SGCZ: variants seen among roughly 807,000 people sequenced by gnomAD.
SGCZ encodes sarcoglycan zeta.
In SGCZ, 40 loss-of-function variants were observed where a neutral mutation model predicts 41.3. The observed-to-expected ratio is 0.97, with a 90% CI of 0.75 to 1.26. The LOEUF (loss-of-function observed/expected upper bound fraction) is 1.26. Among genes scored for constraint, SGCZ ranks in the 50% most tolerant of loss-of-function variants. The probability of loss-of-function intolerance (pLI) is 0.00; values close to 1 mark genes in which losing one functional copy is unlikely to be tolerated. For synonymous variants in SGCZ, 206 were observed against 137.5 expected, an observed-to-expected ratio of 1.50 and a Z score of -3.49; for missense variants, 552 against 369.8, an observed-to-expected ratio of 1.49 and a Z score of -4.04.
At chr8:14,862,373 T>C (rs1186112156) in intron 1 of SGCZ, among the ~76,000 whole-genome samples, 1 of 151,814 alleles carries the variant, frequency 6.6e-6, no homozygotes, top group East Asian at 1.9e-4. Flanking sequence ...AGTGTGGCTG[T>C]TGTGCAAATG....
At chr8:14,472,151 T>C (rs572954809) in intron 2 of SGCZ, among the ~76,000 whole-genome samples, 2 of 152,216 alleles carry the variant, frequency 1.3e-5, no homozygotes, top group East Asian at 1.9e-4. Context: ...AGAGTTCCAA[T>C]TGTAATTTTA....
intron 1 of SGCZ, among the ~76,000 whole-genome samples, chr8:14,962,136 G>C (rs183455407): frequency 2.0e-5 from 3 of 152,122 alleles, no homozygotes; most frequent in Admixed American, 6.5e-5. Flanking sequence ...TCAACATCAA[G>C]TGTATCATGA....
chr8:15,000,992 G>A (rs545375168), intron 1 of SGCZ, among the ~76,000 whole-genome samples: 17 of 152,278 alleles, frequency 1.1e-4, no homozygotes, highest in African/African-American at 3.8e-4. Flanking sequence ...CACTTCACCA[G>A]TATCAAAGGT....
At chr8:14,528,563 T>C (rs1220332484) in intron 2 of SGCZ, among the ~76,000 whole-genome samples, 2 of 152,226 alleles carry the variant, frequency 1.3e-5, no homozygotes, top group African/African-American at 4.8e-5. Flanking sequence ...GGCCTTAGTT[T>C]TCTTTTATTT....
intron 6 of SGCZ, among the ~76,000 whole-genome samples, chr8:14,106,839 A>G (rs1488503483): frequency 2.0e-5 from 3 of 152,190 alleles, no homozygotes; most frequent in African/African-American, 7.2e-5. Flanking sequence ...TTCCTATACA[A>G]TAGTAAGTGC....
intron 1 of SGCZ, among the ~76,000 whole-genome samples, chr8:15,235,420 TCTCAACAAC>T (rs1189994799): frequency 6.6e-6 from 1 of 152,198 alleles, no homozygotes; most frequent in Admixed American, 6.5e-5. Flanking sequence ...TGACATAATT[TCTCAACAAC>T]CTCAATAGAT....
chr8:14,941,265 T>C (rs1272148742), intron 1 of SGCZ, among the ~76,000 whole-genome samples: 4 of 152,118 alleles, frequency 2.6e-5, no homozygotes, highest in African/African-American at 9.7e-5. Flanking sequence ...ATCCTACAGA[T>C]ATAAAAGCAG....
At chr8:14,881,820 G>T (rs190734763) in intron 1 of SGCZ, among the ~76,000 whole-genome samples, 1 of 152,112 alleles carries the variant, frequency 6.6e-6, no homozygotes, top group African/African-American at 2.4e-5. Flanking sequence ...AGTTGATCAC[G>T]CAATTGGAAG....
intron 1 of SGCZ, among the ~76,000 whole-genome samples, chr8:15,203,985 A>G (rs764478297): frequency 2.0e-5 from 3 of 152,202 alleles, no homozygotes; most frequent in Admixed American, 6.5e-5. Flanking sequence ...AAACAATAAA[A>G]CATTTCTCAT....
At chr8:14,754,070 C>G (rs143460648) in intron 1 of SGCZ, among the ~76,000 whole-genome samples, 1,760 of 152,216 alleles carry the variant, frequency 0.012, 17 homozygotes, top group Middle Eastern at 0.034. Context: ...CCCATGTCAA[C>G]AGAGTTCTGC....
intron 1 of SGCZ, among the ~76,000 whole-genome samples, chr8:14,729,903 G>A (rs74901562): frequency 2.0e-5 from 3 of 152,072 alleles, no homozygotes; most frequent in Non-Finnish European, 4.4e-5. Flanking sequence ...TGGCCAACAT[G>A]GTGAAACCCC....
At chr8:14,551,500 ATATATAT>A (rs1205536747) in intron 2 of SGCZ, among the ~76,000 whole-genome samples, 124 of 1,946 alleles carry the variant, frequency 0.064, 11 homozygotes, top group African/African-American at 0.12. Flanking sequence ...TATATATATT[ATATATAT>A]TATATATATT....
rs185322494 is a variant in SGCZ, at chr8:15,147,407, T to A, written c.39+90178A>T. On this transcript the variant is annotated intron_variant, in intron 1 of 7. Coordinates refer to ENST00000382080, the MANE Select transcript of SGCZ (RefSeq NM_139167.4). Reference sequence around the variant, plus strand: ...AATTCTCCTGCCTCAGCCTCCCGAGTAACTGGGATTACAGGCATGCACCAC... The same window carrying A: ...AATTCTCCTGCCTCAGCCTCCCGAGAAACTGGGATTACAGGCATGCACCAC... 6.0e-3 allele frequency among the ~76,000 whole-genome samples: 917 copies of A among 152,144 alleles called. 13 individuals carry two copies. The highest frequency in any genetic ancestry group is 0.021 in the African/African-American group (856 of 41,502).
chr8:14,358,871 A>G (rs1389530031), intron 2 of SGCZ, among the ~76,000 whole-genome samples: 1 of 152,108 alleles, frequency 6.6e-6, no homozygotes, highest in African/African-American at 2.4e-5. Context: ...AGCCTCCCAA[A>G]GTGCTAGGAT....
intron 2 of SGCZ, among the ~76,000 whole-genome samples, chr8:14,366,595 G>A (rs112665796): frequency 0.017 from 2,615 of 151,898 alleles, 61 homozygotes; most frequent in African/African-American, 0.047. Context: ...CTTCCCCAAC[G>A]GTCCCCCCAA....
intron 7 of SGCZ, among the ~76,000 whole-genome samples, chr8:14,099,634 A>G (rs1585132211): frequency 6.6e-6 from 1 of 152,122 alleles, no homozygotes; most frequent in Non-Finnish European, 1.5e-5. Context: ...CTGAGGCAGG[A>G]CAATCGCTTG....
At chr8:14,587,785 A>T (rs1458654397) in intron 1 of SGCZ, among the ~76,000 whole-genome samples, 1 of 152,200 alleles carries the variant, frequency 6.6e-6, no homozygotes, top group Non-Finnish European at 1.5e-5. Context: ...GACTTACAAA[A>T]AGTCTTCTTT....
chr8:14,895,349 A>G (rs555228049), intron 1 of SGCZ, among the ~76,000 whole-genome samples: 1 of 152,208 alleles, frequency 6.6e-6, no homozygotes, highest in African/African-American at 2.4e-5. Flanking sequence ...CGAATGAGTT[A>G]AATAATTAAA....
At position 15,189,238 on chromosome 8, in the gene SGCZ, T is replaced by C. The variant is rs571617426; in HGVS notation, c.39+48347A>G. Reference sequence around the variant, plus strand: ...AAACAAATTTGGAAGGTCAATTTTGTCAGAAAGTAAAGAGAACTAAGAGCA... The same window carrying C: ...AAACAAATTTGGAAGGTCAATTTTGCCAGAAAGTAAAGAGAACTAAGAGCA... On this transcript the variant is annotated intron_variant, in intron 1 of 7. Coordinates refer to ENST00000382080, the MANE Select transcript of SGCZ (RefSeq NM_139167.4). Among the ~76,000 whole-genome samples the C allele has an allele frequency of 1.2e-4, 19 of 152,312 alleles. No homozygotes were observed. The East Asian group carries it at 3.7e-3, about 29-fold the overall frequency.
Sources: allele counts gnomAD v4.1 joint callset (sites outside exome capture counted in the v4.1 genomes callset), GRCh38; gene constraint gnomAD v4.1.1; transcripts MANE v1.5; gene names NCBI Gene and HGNC (gene_info 2026-07-23, HGNC 2026-07-21).